The following FBXW7 variants were observed in gnomAD, a reference collection of about 807,000 sequenced individuals.
FBXW7 encodes the protein F-box/WD repeat-containing protein 7.
FBXW7 carries 11 observed loss-of-function variants against 86.3 expected under a neutral mutation model. The ratio of observed to expected loss-of-function variants is 0.13; its 90% CI spans 0.08 to 0.21. The LOEUF is 0.21. FBXW7 is among the 10% of genes least tolerant of loss of function. The probability of loss-of-function intolerance (pLI) is 1.00; values close to 1 mark genes in which losing one functional copy is unlikely to be tolerated. For synonymous variants in FBXW7, 313 were observed against 297.9 expected (o/e 1.05, Z -0.52); for missense variants, 488 against 847.4 (o/e 0.58, Z 5.27).
intron 2 of FBXW7, among the ~76,000 whole-genome samples, chr4:152,422,053 A>G (rs1464494354): frequency 1.3e-5 from 2 of 152,148 alleles, no homozygotes; most frequent in African/African-American, 2.4e-5. Flanking sequence ...AGACTTGCTC[A>G]ACACAGGATT....
At chr4:152,521,809 ATTTTTTTTTTTTTT>A (rs575881137) in intron 2 of FBXW7, among the ~76,000 whole-genome samples, 1 of 100,694 alleles carries the variant, frequency 9.9e-6, no homozygotes, top group South Asian at 3.4e-4. Context: ...TAAGGGTCCA[ATTTTTTTTTTTTTT>A]TTTTTTTTTT....
At chr4:152,330,956 T>G in intron 8 of FBXW7, 88 bp from the exon 9 acceptor site, 1 of 1,339,256 alleles carries the variant, frequency 7.5e-7, no homozygotes, top group Non-Finnish European at 1.0e-6. Flanking sequence ...ATAAAGAGTA[T>G]TCCATCTCTC....
At chr4:152,497,346 CACACACA>C (rs1746462128) in intron 2 of FBXW7, among the ~76,000 whole-genome samples, 13 of 113,432 alleles carry the variant, frequency 1.1e-4, no homozygotes, top group African/African-American at 1.4e-4. Flanking sequence ...AAAAAAACCA[CACACACA>C]CACACACACA....
At chr4:152,401,753 A>C (rs577648812) in intron 4 of FBXW7, among the ~76,000 whole-genome samples, 1 of 152,312 alleles carries the variant, frequency 6.6e-6, no homozygotes, top group East Asian at 1.9e-4. Flanking sequence ...GTAAGGGTGA[A>C]GCTGTACATG....
intron 2 of FBXW7, among the ~76,000 whole-genome samples, chr4:152,532,458 T>C (rs1287261789): frequency 6.6e-6 from 1 of 152,256 alleles, no homozygotes; most frequent in Admixed American, 6.5e-5. Flanking sequence ...ACTGTAATCA[T>C]GTGTCTACAC....
chr4:152,457,783 A>C (rs1742568123), intron 2 of FBXW7, among the ~76,000 whole-genome samples: 1 of 152,014 alleles, frequency 6.6e-6, no homozygotes, highest in Non-Finnish European at 1.5e-5. Context: ...TCTGGAGACA[A>C]AGTAAAGAAT....
At chr4:152,500,918 A>C (rs888135623) in intron 2 of FBXW7, among the ~76,000 whole-genome samples, 13 of 152,202 alleles carry the variant, frequency 8.5e-5, no homozygotes, top group African/African-American at 1.2e-4. Flanking sequence ...GTTACCATGC[A>C]TTTGATTAAT....
intron 2 of FBXW7, among the ~76,000 whole-genome samples, chr4:152,518,556 C>T (rs902053627): frequency 8.5e-5 from 13 of 152,162 alleles, no homozygotes; most frequent in Non-Finnish European, 4.4e-5. Context: ...CTCAGCCTCT[C>T]GAGTAACTGG....
chr4:152,337,653 A>G (rs1730270996), intron 7 of FBXW7, 149 bp downstream of exon 7: 2 of 697,368 alleles, frequency 2.9e-6, no homozygotes, highest in East Asian at 5.7e-5. Context: ...ATGGCAATTT[A>G]TCAATTTACA....
At chr4:152,409,161 G>T (rs1457357102) in intron 4 of FBXW7, among the ~76,000 whole-genome samples, 2 of 152,150 alleles carry the variant, frequency 1.3e-5, no homozygotes, top group African/African-American at 2.4e-5. Context: ...CAGTCTAGCT[G>T]TCCACAGGGT....
intron 4 of FBXW7, among the ~76,000 whole-genome samples, chr4:152,410,442 T>C (rs1737840421): frequency 6.6e-6 from 1 of 152,168 alleles, no homozygotes; most frequent in Admixed American, 6.6e-5. Context: ...AAATCACTAC[T>C]TGATGTCACG....
intron 2 of FBXW7, among the ~76,000 whole-genome samples, chr4:152,526,187 A>C (rs1749495171): frequency 6.6e-6 from 1 of 152,236 alleles, no homozygotes. Context: ...GTTGGACAAT[A>C]GACCTTTGTC....
chr4:152,382,035 A>G (rs1735123562), intron 4 of FBXW7, among the ~76,000 whole-genome samples: 2 of 152,180 alleles, frequency 1.3e-5, no homozygotes, highest in Admixed American at 6.6e-5. Flanking sequence ...TCATATTATA[A>G]AACTATCACT....
At chr4:152,445,910 TA>T (rs11457603) in intron 2 of FBXW7, among the ~76,000 whole-genome samples, 5,628 of 100,722 alleles carry the variant, frequency 0.056, 446 homozygotes, top group African/African-American at 0.15. Flanking sequence ...ACTCTGTCTT[TA>T]AAAAAAAAAA....
intron 4 of FBXW7, among the ~76,000 whole-genome samples, chr4:152,381,397 T>A (rs1263436784): frequency 6.6e-6 from 1 of 152,028 alleles, no homozygotes; most frequent in African/African-American, 2.4e-5. Flanking sequence ...ACAAATACAC[T>A]CATTTAATCC....
At chr4:152,353,300 T>C (rs1275735776) in intron 4 of FBXW7, among the ~76,000 whole-genome samples, 1 of 152,058 alleles carries the variant, frequency 6.6e-6, no homozygotes, top group African/African-American at 2.4e-5. Context: ...TACTCTGGGG[T>C]TGACTGACAA....
chr4:152,526,770 G>A (rs970773377), intron 2 of FBXW7, among the ~76,000 whole-genome samples: 7 of 151,948 alleles, frequency 4.6e-5, no homozygotes, highest in African/African-American at 4.8e-5. Flanking sequence ...ATTCAAAAAC[G>A]GATTCTTTTC....
rs576038849 is a variant in FBXW7 at position 152,415,803 on chromosome 4, G to A, written c.-119-3274C>T. 3.5e-4 allele frequency among the ~76,000 whole-genome samples: 54 copies of A among 152,126 alleles called. No individual in the cohort carries two copies. The South Asian group carries it at 0.01, about 29-fold the overall frequency. ...TCTTTCTTGAGGGGTAAAGTGTGCT[G>A]CAACCTCAGAGTCTTTGTGCTAGCT... On this transcript the variant is annotated intron_variant, in intron 2 of 13. Transcript: ENST00000281708.
intron 7 of FBXW7, among the ~76,000 whole-genome samples, chr4:152,336,492 C>T (rs530403449): frequency 1.3e-5 from 2 of 152,038 alleles, no homozygotes; most frequent in African/African-American, 2.4e-5. Context: ...CTCTAAAATA[C>T]GGAGGATATC....
Sources: allele counts gnomAD v4.1 joint callset (sites outside exome capture counted in the v4.1 genomes callset), GRCh38; gene constraint gnomAD v4.1.1; transcripts MANE v1.5; gene names NCBI Gene and HGNC (gene_info 2026-07-23, HGNC 2026-07-21).